Variants in RUNX1 observed in about 807,000 individuals in gnomAD.
RUNX1 encodes RUNX family transcription factor 1.
RUNX1 carries 19 observed loss-of-function variants against 42.8 expected under a neutral mutation model. That is an observed-to-expected ratio of 0.44 (90% confidence interval 0.31 to 0.65). RUNX1 has a LOEUF of 0.65. RUNX1 is among the 30% of genes least tolerant of loss of function. RUNX1 has a pLI of 0.07. For synonymous variants in RUNX1, 271 were observed against 289.4 expected (o/e 0.94, Z 0.64); for missense variants, 528 against 672.0 (o/e 0.79, Z 2.37).
chr21:34,980,412 T>C (rs1243574191), intron 2 of RUNX1, among the ~76,000 whole-genome samples: 1 of 152,204 alleles, frequency 6.6e-6, no homozygotes, highest in African/African-American at 2.4e-5. Context: ...CCTGTGAAGA[T>C]AGGAGGAGCT....
At chr21:34,861,178 T>C (rs1437184226) in intron 5 of RUNX1, among the ~76,000 whole-genome samples, 2 of 152,204 alleles carry the variant, frequency 1.3e-5, no homozygotes, top group Admixed American at 6.5e-5. Context: ...TTGCCAGTTT[T>C]AGGACATCGT....
At chr21:34,992,210 G>C (rs1231696450) in intron 2 of RUNX1, among the ~76,000 whole-genome samples, 2 of 152,230 alleles carry the variant, frequency 1.3e-5, no homozygotes, top group Non-Finnish European at 2.9e-5. Context: ...AGGGTACAGA[G>C]CCAGCAGGCC....
intron 6 of RUNX1, among the ~76,000 whole-genome samples, chr21:34,856,956 A>C (rs1428468295): frequency 6.6e-6 from 1 of 152,226 alleles, no homozygotes; most frequent in Non-Finnish European, 1.5e-5. Flanking sequence ...GAAGACGTTC[A>C]AACCATAAGA....
chr21:34,911,298 G>A (rs2058270262), intron 2 of RUNX1, among the ~76,000 whole-genome samples: 1 of 152,122 alleles, frequency 6.6e-6, no homozygotes, highest in South Asian at 2.1e-4. Context: ...TTGGGATCAG[G>A]TAAGGAACAA....
chr21:34,858,591 CT>C (rs2057526818), intron 6 of RUNX1, among the ~76,000 whole-genome samples: 1 of 152,188 alleles, frequency 6.6e-6, no homozygotes, highest in Non-Finnish European at 1.5e-5. Context: ...TGCATCTTGG[CT>C]TTTGGGGACA....
chr21:34,815,594 C>G (rs1476541535), intron 7 of RUNX1, among the ~76,000 whole-genome samples: 1 of 151,972 alleles, frequency 6.6e-6, no homozygotes, highest in Non-Finnish European at 1.5e-5. Context: ...GTGCTGGAAC[C>G]AAGAACAATC....
chr21:34,945,104 A>G (rs1239973042), intron 2 of RUNX1, among the ~76,000 whole-genome samples: 1 of 152,224 alleles, frequency 6.6e-6, no homozygotes, highest in Non-Finnish European at 1.5e-5. Flanking sequence ...ATAATTTGCC[A>G]AAAATATTTG....
intron 6 of RUNX1, among the ~76,000 whole-genome samples, chr21:34,837,971 C>A (rs1163549377): frequency 6.6e-6 from 1 of 151,752 alleles, no homozygotes; most frequent in Non-Finnish European, 1.5e-5. Context: ...TCATAAAAAT[C>A]CAAAAAAGGG....
At chr21:34,998,699 G>A (rs1043613381) in intron 2 of RUNX1, among the ~76,000 whole-genome samples, 2 of 152,088 alleles carry the variant, frequency 1.3e-5, no homozygotes, top group Admixed American at 6.6e-5. Context: ...CCGCCACCAT[G>A]CCTGGCTAAT....
At chr21:34,796,653 AAGC>A (rs1453588755) in intron 8 of RUNX1, among the ~76,000 whole-genome samples, 2 of 152,156 alleles carry the variant, frequency 1.3e-5, no homozygotes, top group Non-Finnish European at 2.9e-5. Flanking sequence ...ACATGGATGA[AAGC>A]AGCCTCGCTA....
chr21:34,889,716 G>C, intron 3 of RUNX1: 1 of 1,187,544 alleles, frequency 8.4e-7, no homozygotes, highest in Non-Finnish European at 1.1e-6. Flanking sequence ...CCCTGCGCCG[G>C]TCCCCGCGGT....
At chr21:34,860,564 T>C (rs1375120952) in intron 5 of RUNX1, among the ~76,000 whole-genome samples, 1 of 152,016 alleles carries the variant, frequency 6.6e-6, no homozygotes, top group East Asian at 1.9e-4. Flanking sequence ...TGTTGTCTGC[T>C]TTATTTCTCT....
intron 2 of RUNX1, among the ~76,000 whole-genome samples, chr21:34,946,622 GT>G (rs1397457749): frequency 7.2e-5 from 11 of 152,194 alleles, no homozygotes; most frequent in East Asian, 1.9e-4. Context: ...GCAACAGGTG[GT>G]TGATGAATCA....
chr21:34,799,910 G>A lies in RUNX1; in HGVS notation c.806-448C>T, dbSNP rs187285132. On this transcript the variant is annotated intron_variant, in intron 7 of 8. Coordinates refer to ENST00000675419, the MANE Select transcript of RUNX1 (RefSeq NM_001754.5). ...TGTCTGTGTTCGGTAAGAACGTAGA[G>A]TTTTGGGCTTTTTTTTTATACCTTT... is the stretch of plus-strand genomic sequence containing the variant. Among the ~76,000 whole-genome samples the A allele has an allele frequency of 3.5e-3, 538 of 152,260 alleles. 3 individuals carry two copies. The highest frequency in any genetic ancestry group is 0.012 in the African/African-American group (513 of 41,554).
intron 6 of RUNX1, among the ~76,000 whole-genome samples, chr21:34,841,833 C>T (rs1461014308): frequency 6.6e-6 from 1 of 152,194 alleles, no homozygotes; most frequent in Non-Finnish European, 1.5e-5. Flanking sequence ...CCAGCCAGTC[C>T]CTAGCCCTTT....
In RUNX1 at chr21:34,886,901, AG is replaced by A. The variant is rs1569084170; in HGVS notation, c.292del (p.Leu98SerfsTer24). On this transcript the variant is annotated frameshift_variant, in exon 4 of 9. Coordinates refer to ENST00000675419, the MANE Select transcript of RUNX1 (RefSeq NM_001754.5). LOFTEE classifies it high-confidence loss of function. ...ELVRTDSPNF[L>X]CSVLPTHWRC... is the part of the protein sequence containing the mutation. ...CCAGTGCGTAGGCAGCACGGAGCAG[AG>A]GAAGTTGGGGCTGTCGGTGCGCACC... The A allele has an allele frequency of 6.2e-7, 1 of 1,613,622 alleles. No homozygotes were observed. Among genetic ancestry groups the A allele is most frequent in the Non-Finnish European group, 8.5e-7 (1 of 1,179,752 alleles).
intron 2 of RUNX1, among the ~76,000 whole-genome samples, chr21:34,940,124 G>C (rs911484489): frequency 1.4e-4 from 21 of 152,072 alleles, no homozygotes; most frequent in Admixed American, 1.4e-3. Context: ...TGGTTTTTTT[G>C]CTGTGCATGC....
chr21:34,926,286 G>A (rs1353200342), intron 2 of RUNX1, among the ~76,000 whole-genome samples: 1 of 151,196 alleles, frequency 6.6e-6, no homozygotes, highest in East Asian at 1.9e-4. Flanking sequence ...ACCAGCCTGG[G>A]CAACATAGTG....
intron 2 of RUNX1, among the ~76,000 whole-genome samples, chr21:35,016,231 C>T (rs1289275993): frequency 2.0e-5 from 3 of 152,322 alleles, no homozygotes; most frequent in South Asian, 4.1e-4. Context: ...ATGCCATTGT[C>T]TTCAGTGCTC....
Sources: gnomAD v4.1 joint callset for allele counts (sites outside exome capture counted in the v4.1 genomes callset) on GRCh38, gnomAD v4.1.1 for gene constraint, MANE v1.5 for transcripts, NCBI Gene and HGNC (gene_info 2026-07-23, HGNC 2026-07-21) for gene names.